Variants in TBCD observed in about 807,000 individuals in gnomAD.
TBCD encodes tubulin folding cofactor D.
TBCD carries 105 observed loss-of-function variants against 169.3 expected under a neutral mutation model. That is an observed-to-expected ratio of 0.62 (90% CI 0.53 to 0.73). TBCD has a LOEUF of 0.73. Among genes scored for constraint, TBCD ranks in the 30% least tolerant of loss-of-function variants. The pLI, the probability that TBCD is intolerant of heterozygous loss-of-function variation, is 0.00. For synonymous variants in TBCD, 700 were observed against 643.9 expected, an observed-to-expected ratio of 1.09 and a Z score of -1.32; for missense variants, 1,444 against 1,600.1, an observed-to-expected ratio of 0.90 and a Z score of 1.66.
chr17:82,928,060 C>T lies in TBCD; in HGVS notation c.2693+72C>T, dbSNP rs117840439. ...AGCTTGGGGAGGCTGGCGGGGCGGG[C>T]GGTCCTGGTGCTCAGTGGCATTTGC... is the stretch of plus-strand genomic sequence containing the variant. On this transcript the variant is annotated intron_variant, in intron 30 of 38. Transcript: ENST00000355528. 189 of 1,423,868 alleles carry T rather than the reference C, an allele frequency of 1.3e-4. No homozygotes were observed. In the East Asian group the frequency reaches 2.3e-3, roughly 17 times the overall value. 88.2% of individuals were successfully genotyped at this position (1,423,868 alleles called of 1,614,324 possible). A position where few individuals can be genotyped will look rare whatever the true frequency, so the allele number is the denominator to read the frequency against.
At chr17:82,939,134 C>G (rs1336947399) in intron 36 of TBCD, 8 of 584,148 alleles carry the variant, frequency 1.4e-5, no homozygotes, top group Non-Finnish European at 2.4e-5. Flanking sequence ...ATGTCATCTT[C>G]ACTGCTGGGA....
intron 7 of TBCD, among the ~76,000 whole-genome samples, chr17:82,794,368 G>A (rs1029040342): frequency 5.9e-5 from 9 of 152,162 alleles, no homozygotes; most frequent in Admixed American, 5.2e-4. Flanking sequence ...TGCAGCTTGT[G>A]CTGTGCTGGT....
chr17:82,841,092 G>GCCA (rs745676019), intron 13 of TBCD, among the ~76,000 whole-genome samples: 28 of 145,260 alleles, frequency 1.9e-4, no homozygotes, highest in Non-Finnish European at 4.0e-4. Flanking sequence ...ACAGGCGCCT[G>GCCA]CCACCACGCC....
Position 82,830,730 on chromosome 17 carries a change from G to C in TBCD, c.1318+15796G>C, listed in dbSNP as rs1288700479. 1.2e-6 allele frequency: 2 copies of C among 1,614,068 alleles called. No individual in the cohort carries two copies. Among genetic ancestry groups the C allele is most frequent in the Non-Finnish European group, 1.7e-6 (2 of 1,180,024 alleles). ...GGGGGCTGCCTTGGTACGTGGGTTC[G>C]TGGGTGGCTGCCAGGTTTATCTCTG... On this transcript the variant is annotated intron_variant, in intron 13 of 38. Coordinates refer to ENST00000355528, the MANE Select transcript of TBCD (RefSeq NM_005993.5).
At position 82,836,239 on chromosome 17, in the gene TBCD, C is replaced by T. The variant is rs148897581; in HGVS notation, c.1318+21305C>T. Among the ~76,000 whole-genome samples, 100 of 152,368 alleles carry T rather than the reference C, an allele frequency of 6.6e-4. 3 individuals carry two copies. In the East Asian group the frequency reaches 0.018, roughly 27 times the overall value. On this transcript the variant is annotated intron_variant, in intron 13 of 38. Transcript: ENST00000355528. ...GGTTCCAGCCAAACGCTGGGCCAGC[C>T]AGCTCAGTCAGTGGGGCCTGTGCCG...
At chr17:82,826,255 T>G (rs938825246) in intron 13 of TBCD, among the ~76,000 whole-genome samples, 2 of 152,126 alleles carry the variant, frequency 1.3e-5, no homozygotes, top group African/African-American at 4.8e-5. Context: ...AACTATACTT[T>G]TAAGTTTTAA....
intron 14 of TBCD, among the ~76,000 whole-genome samples, chr17:82,883,888 C>T (rs1599198832): frequency 6.6e-6 from 1 of 152,216 alleles, no homozygotes; most frequent in Admixed American, 6.5e-5. Flanking sequence ...TGATCCTGTG[C>T]CCTCGGTGTG....
intron 4 of TBCD, among the ~76,000 whole-genome samples, chr17:82,766,660 T>C (rs2048032924): frequency 6.6e-6 from 1 of 152,194 alleles, no homozygotes; most frequent in African/African-American, 2.4e-5. Flanking sequence ...TAAGTATAAC[T>C]GTGTTGGGTT....
rs1262040991 is a variant in TBCD, at chr17:82,782,465, G to A, written c.771+744G>A. ...CTTCTCATCCTTGTCTCACGCTGTG[G>A]AGCCTGTGGTCCCTCTGAGGAGCGG... On this transcript the variant is annotated intron_variant, in intron 7 of 38. Coordinates refer to ENST00000355528, the MANE Select transcript of TBCD (RefSeq NM_005993.5). This position sits in a 1 kb window ranked among gnomAD's most constrained non-coding sequence, Gnocchi z 5.1. Among the ~76,000 whole-genome samples, 2 of 152,178 alleles carry A rather than the reference G, an allele frequency of 1.3e-5. No individual in the cohort carries two copies. The highest frequency in any genetic ancestry group is 2.9e-5 in the Non-Finnish European group (2 of 68,034).
In TBCD at chr17:82,890,156, C is replaced by G. The variant is rs1306930692; in HGVS notation, c.1563+459C>G. Among the ~76,000 whole-genome samples the G allele has an allele frequency of 2.0e-5, 3 of 152,228 alleles. No individual in the cohort carries two copies. Among genetic ancestry groups the G allele is most frequent in the Non-Finnish European group, 4.4e-5 (3 of 68,042 alleles). Reference sequence around the variant, plus strand: ...ACGACCCCACATCATGCTGGGGCTGCTTTTGCTGTGCCCTCTGACCCTGAC... The same window carrying G: ...ACGACCCCACATCATGCTGGGGCTGGTTTTGCTGTGCCCTCTGACCCTGAC... On this transcript the variant is annotated intron_variant, in intron 16 of 38. Transcript: ENST00000355528. The surrounding 1 kb of genome is among the most constrained non-coding windows in gnomAD (Gnocchi z 5.3).
At chr17:82,791,767 TGAGGGTAGTCCTGA>T (rs1054392058) in intron 7 of TBCD, among the ~76,000 whole-genome samples, 2 of 152,160 alleles carry the variant, frequency 1.3e-5, no homozygotes, top group Non-Finnish European at 2.9e-5. Flanking sequence ...CCCCTAACAA[TGAGGGTAGTCCTGA>T]GAACTGCGTC....
chr17:82,844,250 G>A (rs1287692462), intron 13 of TBCD, among the ~76,000 whole-genome samples: 1 of 16,426 alleles, frequency 6.1e-5, no homozygotes, highest in East Asian at 3.2e-3. Flanking sequence ...AAGACCTGGG[G>A]TCTTGCTGTG....
intron 7 of TBCD, among the ~76,000 whole-genome samples, chr17:82,785,044 C>G (rs1598479714): frequency 3.6e-5 from 3 of 82,772 alleles, no homozygotes; most frequent in African/African-American, 6.6e-5. Context: ...ATCGCAGCGA[C>G]AGGGGGTCCA....
At chr17:82,866,653 G>A (rs1286890152) in intron 13 of TBCD, among the ~76,000 whole-genome samples, 2 of 152,200 alleles carry the variant, frequency 1.3e-5, no homozygotes, top group African/African-American at 4.8e-5. Context: ...GAGGCTGGCT[G>A]GGCCCTTCTG....
chr17:82,942,380 A>G, intron 38 of TBCD, 69 bp from the exon 39 acceptor site: 1 of 1,609,110 alleles, frequency 6.2e-7, no homozygotes, highest in Admixed American at 1.7e-5. Context: ...CAGAGGGGTG[A>G]GGGTCCCCTG....
In TBCD at chr17:82,881,066, C is replaced by A. The variant is rs192740800; in HGVS notation, c.1476-3079C>A. Among the ~76,000 whole-genome samples, 5 of 152,338 alleles carry A rather than the reference C, an allele frequency of 3.3e-5. No individual in the cohort carries two copies. The East Asian group carries it at 9.7e-4, about 29-fold the overall frequency. ...CCTCAGAAGCCTCCCACCCTATTCCCCTTGGGCTCCATCCTTCTGTTTTTT... is the reference window on the plus strand; with the variant it reads ...CCTCAGAAGCCTCCCACCCTATTCCACTTGGGCTCCATCCTTCTGTTTTTT... On this transcript the variant is annotated intron_variant, in intron 14 of 38. Transcript: ENST00000355528.
chr17:82,787,696 G>A (rs2049414650), intron 7 of TBCD, among the ~76,000 whole-genome samples: 1 of 152,156 alleles, frequency 6.6e-6, no homozygotes, highest in African/African-American at 2.4e-5. Flanking sequence ...CATTACTGTG[G>A]GCGAAACAGG....
chr17:82,782,102 C>T lies in TBCD; in HGVS notation c.771+381C>T, dbSNP rs151108229. On this transcript the variant is annotated intron_variant, in intron 7 of 38. Transcript: ENST00000355528. This position sits in a 1 kb window ranked among gnomAD's most constrained non-coding sequence, Gnocchi z 5.1. ...GTTGAAATTTGATTCTGTTCCTTTG[C>T]ACTGGGCTCGGGTTGGATGTTCCTG... Among the ~76,000 whole-genome samples, 6 of 152,340 alleles carry T rather than the reference C, an allele frequency of 3.9e-5. No individual in the cohort carries two copies. The highest frequency in any genetic ancestry group is 1.4e-4 in the African/African-American group (6 of 41,576).
intron 36 of TBCD, among the ~76,000 whole-genome samples, chr17:82,938,542 A>G (rs2062826500): frequency 6.6e-6 from 1 of 152,186 alleles, no homozygotes; most frequent in Non-Finnish European, 1.5e-5. Flanking sequence ...CAAAGGTGAC[A>G]TTTTCCTAAA....
Sources: gnomAD v4.1 joint callset for allele counts (sites outside exome capture counted in the v4.1 genomes callset) on GRCh38, gnomAD v4.1.1 for gene constraint, Gnocchi (gnomAD v3.1) non-coding constraint, MANE v1.5 for transcripts, NCBI Gene and HGNC (gene_info 2026-07-23, HGNC 2026-07-21) for gene names.